TMEM132D: variants seen among roughly 807,000 people sequenced by gnomAD.
The protein encoded by TMEM132D is transmembrane protein 132D, also known as mature OL transmembrane protein.
TMEM132D carries 21 observed loss-of-function variants against 62.3 expected under a neutral mutation model. The ratio of observed to expected loss-of-function variants is 0.34; its 90% CI spans 0.24 to 0.49. The LOEUF (loss-of-function observed/expected upper bound fraction) is 0.49, where lower values mean the gene tolerates loss of function less well. Among genes scored for constraint, TMEM132D ranks in the 20% least tolerant of loss-of-function variants. TMEM132D has a pLI of 0.99. For synonymous variants in TMEM132D, 621 were observed against 575.6 expected (o/e 1.08, Z -1.13); for missense variants, 1,346 against 1,402.8 (o/e 0.96, Z 0.65).
chr12:129,718,576 G>A (rs1019086055), intron 1 of TMEM132D, among the ~76,000 whole-genome samples: 6 of 152,102 alleles, frequency 3.9e-5, no homozygotes, highest in South Asian at 2.1e-4. Flanking sequence ...GGAGAAAGTG[G>A]GGAGAAAAAG....
intron 4 of TMEM132D, among the ~76,000 whole-genome samples, chr12:129,267,721 G>A (rs972676376): frequency 3.3e-5 from 5 of 152,126 alleles, no homozygotes; most frequent in African/African-American, 1.2e-4. Context: ...AGCCCGCATT[G>A]CCAAGTCAAT....
At chr12:129,159,776 A>G (rs1438434212) in intron 5 of TMEM132D, among the ~76,000 whole-genome samples, 6 of 41,254 alleles carry the variant, frequency 1.5e-4, no homozygotes, top group Non-Finnish European at 4.7e-4. Context: ...AAAAAAAAAA[A>G]AGAAAGAAAA....
At chr12:129,619,897 T>C (rs1322903862) in intron 2 of TMEM132D, among the ~76,000 whole-genome samples, 1 of 152,210 alleles carries the variant, frequency 6.6e-6, no homozygotes, top group Non-Finnish European at 1.5e-5. Context: ...AACAGGAGCA[T>C]TCAGGATATG....
intron 1 of TMEM132D, among the ~76,000 whole-genome samples, chr12:129,818,355 GGTGTATGTGT>G (rs1399023681): frequency 6.8e-6 from 1 of 146,784 alleles, no homozygotes; most frequent in Non-Finnish European, 1.5e-5. Flanking sequence ...GGGTGTGTGT[GGTGTATGTGT>G]GTGTATGTGT....
chr12:129,752,867 G>T lies in TMEM132D; in HGVS notation c.80-52169C>A, dbSNP rs534312803. On this transcript the variant is annotated intron_variant, in intron 1 of 8. Transcript: ENST00000422113. ...ATGGGACCACTTACTACTTGGCGAG[G>T]AGGAAGGAGGTATCCTAATTGACAT... 2.0e-4 allele frequency among the ~76,000 whole-genome samples: 30 copies of T among 152,316 alleles called. 1 individual carries two copies. Among genetic ancestry groups the T allele is most frequent in the African/African-American group, 6.7e-4 (28 of 41,578 alleles).
chr12:129,147,288 G>GCA (rs1876935398), intron 5 of TMEM132D, among the ~76,000 whole-genome samples: 1 of 149,088 alleles, frequency 6.7e-6, no homozygotes, highest in Admixed American at 6.7e-5. Context: ...ATATACATGT[G>GCA]CATATGTATA....
chr12:129,647,243 G>GTTTTT (rs57450911), intron 2 of TMEM132D, among the ~76,000 whole-genome samples: 104 of 117,592 alleles, frequency 8.8e-4, no homozygotes, highest in South Asian at 8.2e-3. Flanking sequence ...TTGTTTTTCT[G>GTTTTT]TTTTTTTTTT....
intron 5 of TMEM132D, among the ~76,000 whole-genome samples, chr12:129,120,024 C>A (rs1429791961): frequency 6.6e-6 from 1 of 151,682 alleles, no homozygotes; most frequent in East Asian, 1.9e-4. Context: ...AGGGCAAGAG[C>A]AGAGAAATAA....
chr12:129,170,690 T>G (rs542984575), intron 5 of TMEM132D, among the ~76,000 whole-genome samples: 1 of 151,946 alleles, frequency 6.6e-6, no homozygotes, highest in Non-Finnish European at 1.5e-5. Flanking sequence ...CTGAGTGTTG[T>G]GGCGCACACC....
chr12:129,565,703 C>T (rs1330106928), intron 2 of TMEM132D, among the ~76,000 whole-genome samples: 3 of 152,222 alleles, frequency 2.0e-5, no homozygotes, highest in African/African-American at 4.8e-5. Flanking sequence ...ACTTAACCCT[C>T]GCTGCTACTG....
At chr12:129,588,724 G>GC (rs1878101477) in intron 2 of TMEM132D, among the ~76,000 whole-genome samples, 1 of 141,308 alleles carries the variant, frequency 7.1e-6, no homozygotes. Context: ...ACAGGCACCT[G>GC]CCACCACGCC....
intron 4 of TMEM132D, among the ~76,000 whole-genome samples, chr12:129,268,203 G>A (rs1433334756): frequency 1.3e-5 from 2 of 152,176 alleles, no homozygotes; most frequent in Non-Finnish European, 2.9e-5. Context: ...TTAAACTGAA[G>A]AGCTTCTGCA....
intron 2 of TMEM132D, among the ~76,000 whole-genome samples, chr12:129,640,557 G>C (rs1337786983): frequency 6.6e-6 from 1 of 152,190 alleles, no homozygotes; most frequent in African/African-American, 2.4e-5. Flanking sequence ...AAATGCTAAG[G>C]TGTTGGGCAC....
chr12:129,832,779 T>C (rs1016428284), intron 1 of TMEM132D, among the ~76,000 whole-genome samples: 2 of 152,180 alleles, frequency 1.3e-5, no homozygotes, highest in Non-Finnish European at 1.5e-5. Context: ...AGGCTTTCTT[T>C]ATGGAGCCGT....
intron 2 of TMEM132D, among the ~76,000 whole-genome samples, chr12:129,664,421 ATTTTT>A (rs34308998): frequency 8.8e-6 from 1 of 114,224 alleles, no homozygotes; most frequent in Admixed American, 1.0e-4. Context: ...AATTACAAGA[ATTTTT>A]TTTTTTTTTT....
At chr12:129,843,241 C>T (rs938620954) in intron 1 of TMEM132D, among the ~76,000 whole-genome samples, 3 of 152,020 alleles carry the variant, frequency 2.0e-5, no homozygotes, top group Non-Finnish European at 2.9e-5. Flanking sequence ...AATAAAAAAA[C>T]ATTTTAATAA....
chr12:129,337,884 GT>G (rs1869345689), intron 3 of TMEM132D, 67 bp from the exon 4 acceptor site: 1 of 1,501,472 alleles, frequency 6.7e-7, no homozygotes, highest in Non-Finnish European at 8.9e-7. Context: ...TTGGCAGAGA[GT>G]GGGCGGCCCT....
chr12:129,842,837 G>A (rs1028465327), intron 1 of TMEM132D, among the ~76,000 whole-genome samples: 1 of 152,074 alleles, frequency 6.6e-6, no homozygotes. Context: ...AGCAGGACAC[G>A]GTATCTGCTA....
At position 129,826,022 on chromosome 12, in the gene TMEM132D, C is replaced by T. The variant is rs539362716; in HGVS notation, c.79+77239G>A. On this transcript the variant is annotated intron_variant, in intron 1 of 8. Transcript: ENST00000422113. ...GGCTGCAGTGAGCTGTGATTGCTTACTGCACTCTAGTCTGGGCAACAGAGC... is the reference window on the plus strand; with the variant it reads ...GGCTGCAGTGAGCTGTGATTGCTTATTGCACTCTAGTCTGGGCAACAGAGC... 9.8e-5 allele frequency among the ~76,000 whole-genome samples: 15 copies of T among 152,302 alleles called. No homozygotes were observed. In the South Asian group the frequency reaches 2.9e-3, roughly 29 times the overall value.
Sources: gnomAD v4.1 joint callset for allele counts (sites outside exome capture counted in the v4.1 genomes callset) on GRCh38, gnomAD v4.1.1 for gene constraint, MANE v1.5 for transcripts, NCBI Gene and HGNC (gene_info 2026-07-23, HGNC 2026-07-21) for gene names.